Variants in LRRC42 observed in about 807,000 individuals in gnomAD.
The protein encoded by LRRC42 is leucine-rich repeat-containing protein 42.
Under a neutral mutation model 44.3 loss-of-function variants are expected in LRRC42, and 43 were observed. The observed-to-expected ratio is 0.97, with a 90% confidence interval of 0.76 to 1.25. LRRC42 has a LOEUF of 1.25. Ranked by LOEUF, LRRC42 falls within the 50% of genes most tolerant of loss-of-function variation. LRRC42 has a pLI of 0.00. For missense variants in LRRC42, 540 were observed against 509.1 expected, an observed-to-expected ratio of 1.06 and a Z score of -0.58; for synonymous variants, 207 against 195.2, an observed-to-expected ratio of 1.06 and a Z score of -0.50.
At chr1:53,961,987 A>G (rs1557648232) in intron 5 of LRRC42, 47 bp from the exon 6 acceptor site, 1 of 1,378,356 alleles carries the variant, frequency 7.3e-7, no homozygotes, top group Non-Finnish European at 1.0e-6. Context: ...TGTCATTTTA[A>G]CAGCATTTAT....
In LRRC42 at chr1:53,960,381, A is replaced by G; in HGVS notation, c.631A>G (p.Asn211Asp). ...TGTAACTCAGCTCCACCTGAAGGAT[A>G]ATTGTTTATCTGATGCTGGGGTGCG... Reference protein sequence around the residue: ...SSVTQLHLKDNCLSDAGVRKM... With the variant: ...SSVTQLHLKDDCLSDAGVRKM... Residue 211 changes from asparagine (N) to aspartate (D), a missense_variant, in exon 5 of 9, where the codon AAT becomes GAT. Physicochemically the swap from Asn to Asp is conservative, Grantham distance 23 (BLOSUM62 1). Transcript: ENST00000371370. 6.2e-7 allele frequency: 1 copy of G among 1,613,670 alleles called. No individual in the cohort carries two copies. Among genetic ancestry groups the G allele is most frequent in the Non-Finnish European group, 8.5e-7 (1 of 1,179,826 alleles).
In LRRC42 at chr1:53,957,760, T is replaced by A. The variant is rs570187731; in HGVS notation, c.474-389T>A. ...AAATCACTGGATGTTGAGCATTAGA[T>A]TAAAAGCAACTTTAAAAGAATTAGT... On this transcript the variant is annotated intron_variant, in intron 3 of 8. Transcript: ENST00000371370. Among the ~76,000 whole-genome samples, 3 of 152,318 alleles carry A rather than the reference T, an allele frequency of 2.0e-5. No homozygotes were observed. In the South Asian group the frequency reaches 6.2e-4, roughly 32 times the overall value.
chr1:53,952,217 T>C lies in LRRC42; in HGVS notation c.218T>C (p.Ile73Thr), dbSNP rs764214860. ...CGGAAAGAGAAGACTGATCATTTCA[T>C]CTTCACATACACCCGAGAGGGGAAT... ...TARKEKTDHF[I>T]FTYTREGNLR... is the part of the protein sequence containing the mutation. The change falls in exon 3 of 9, where the codon ATC becomes ACC. Residue 73 changes from isoleucine (I) to threonine (T), a missense_variant. By Grantham distance (89) the Ile-to-Thr change is moderately conservative. Coordinates refer to ENST00000371370, the MANE Select transcript of LRRC42 (RefSeq NM_001256409.2). 5.6e-6 allele frequency: 9 copies of C among 1,614,134 alleles called. No individual in the cohort carries two copies. In the East Asian group the frequency reaches 2.0e-4, roughly 36 times the overall value.
At chr1:53,967,261 G>A (rs928648064) in intron 8 of LRRC42, among the ~76,000 whole-genome samples, 2 of 152,176 alleles carry the variant, frequency 1.3e-5, no homozygotes, top group Admixed American at 6.5e-5. Context: ...TCCAGATTTC[G>A]AATAATGAAG....
chr1:53,967,968 G>T lies in LRRC42; in HGVS notation c.*29G>T. The T allele has an allele frequency of 6.3e-7, 1 of 1,597,300 alleles. No individual in the cohort carries two copies. Among genetic ancestry groups the T allele is most frequent in the Non-Finnish European group, 8.6e-7 (1 of 1,169,586 alleles). ...GTAGATACAAGTTGACCTTTCTCTG[G>T]CCCCCAGCTCTAGTGTTTGAGTAAA... On this transcript the variant is annotated 3_prime_UTR_variant, in exon 9 of 9. Transcript: ENST00000371370.
chr1:53,950,408 A>T (rs1654639762), intron 2 of LRRC42, among the ~76,000 whole-genome samples: 1 of 152,248 alleles, frequency 6.6e-6, no homozygotes, highest in African/African-American at 2.4e-5. Context: ...TTTTATACAC[A>T]TAATTATCCT....
At chr1:53,963,938 C>T (rs1435845689) in intron 7 of LRRC42, among the ~76,000 whole-genome samples, 1 of 51,320 alleles carries the variant, frequency 1.9e-5, no homozygotes, top group Admixed American at 2.4e-4. Flanking sequence ...TTATTTTCCC[C>T]TCCTGCCCAC....
At chr1:53,954,707 C>T (rs540448578) in intron 3 of LRRC42, among the ~76,000 whole-genome samples, 16 of 152,310 alleles carry the variant, frequency 1.1e-4, no homozygotes, top group South Asian at 2.1e-4. Flanking sequence ...GTTGAAAACG[C>T]CGTTTATCCA....
intron 3 of LRRC42, among the ~76,000 whole-genome samples, chr1:53,954,931 C>G (rs1654788938): frequency 6.6e-6 from 1 of 152,124 alleles, no homozygotes; most frequent in Non-Finnish European, 1.5e-5. Flanking sequence ...ATGTAATAAT[C>G]AAAGATGGGA....
intron 7 of LRRC42, among the ~76,000 whole-genome samples, chr1:53,963,639 A>C (rs751190532): frequency 7.2e-5 from 11 of 152,164 alleles, no homozygotes; most frequent in Admixed American, 2.0e-4. Context: ...CTCCGCCCTC[A>C]GCTGGGCCCC....
In LRRC42 at chr1:53,952,179, A is replaced by C; in HGVS notation, c.180A>C (p.Glu60Asp). The C allele has an allele frequency of 6.2e-7, 1 of 1,614,198 alleles. No individual in the cohort carries two copies. The highest frequency in any genetic ancestry group is 8.5e-7 in the Non-Finnish European group (1 of 1,179,990). The stretch of plus-strand genomic sequence containing the variant: ...CTGTGGAGCTTTGCATGAACAGGGA[A>C]GACGACACTGCACGGAAAGAGAAGA... ...GFSVELCMNR[E>D]DDTARKEKTD... is the part of the protein sequence containing the mutation. The change falls in exon 3 of 9, where the codon GAA becomes GAC. Residue 60 changes from glutamate to aspartate, a missense_variant. Physicochemically the swap from Glu to Asp is conservative, Grantham distance 45 (BLOSUM62 2). Coordinates refer to ENST00000371370, the MANE Select transcript of LRRC42 (RefSeq NM_001256409.2).
At chr1:53,953,354 G>C (rs964835734) in intron 3 of LRRC42, among the ~76,000 whole-genome samples, 4 of 152,194 alleles carry the variant, frequency 2.6e-5, no homozygotes, top group Non-Finnish European at 5.9e-5. Context: ...ATCAATACTT[G>C]TAGATTTTTT....
At chr1:53,967,087 A>G (rs542842636) in intron 8 of LRRC42, among the ~76,000 whole-genome samples, 1 of 152,352 alleles carries the variant, frequency 6.6e-6, no homozygotes, top group East Asian at 1.9e-4. Context: ...TGGCTAAAAT[A>G]GTAAACTTTA....
chr1:53,948,848 A>G (rs945482775), intron 2 of LRRC42, among the ~76,000 whole-genome samples: 3 of 152,172 alleles, frequency 2.0e-5, no homozygotes, highest in Admixed American at 6.5e-5. Flanking sequence ...AAGGGTTCAA[A>G]TGTTAATTTA....
intron 7 of LRRC42, among the ~76,000 whole-genome samples, chr1:53,964,810 C>T (rs775397454): frequency 1.3e-5 from 2 of 152,090 alleles, no homozygotes. Flanking sequence ...TGCCATGGGT[C>T]CCCTGGCAAA....
At chr1:53,962,216 G>T in intron 6 of LRRC42, 80 bp from the exon 7 acceptor site, 3 of 1,433,996 alleles carry the variant, frequency 2.1e-6, no homozygotes, top group Non-Finnish European at 2.9e-6. Flanking sequence ...TGGTATTTAT[G>T]ATGGTCTTTA....
chr1:53,962,859 G>A (rs550005851), intron 7 of LRRC42, among the ~76,000 whole-genome samples: 34 of 152,154 alleles, frequency 2.2e-4, no homozygotes, highest in Non-Finnish European at 4.1e-4. Flanking sequence ...CAGCCTTAGT[G>A]AGGAGGTGTC....
At chr1:53,957,479 A>G (rs1319526265) in intron 3 of LRRC42, among the ~76,000 whole-genome samples, 1 of 152,200 alleles carries the variant, frequency 6.6e-6, no homozygotes, top group Non-Finnish European at 1.5e-5. Flanking sequence ...GGCTTCCCTG[A>G]TGCTTCCTGA....
At position 53,952,443 on chromosome 1, in the gene LRRC42, G is replaced by C. The variant is rs1374220875; in HGVS notation, c.444G>C (p.Leu148Phe). 1 of 1,602,414 alleles carries C rather than the reference G, an allele frequency of 6.2e-7. No homozygotes were observed. The highest frequency in any genetic ancestry group is 8.5e-7 in the Non-Finnish European group (1 of 1,170,628). ...LQKFTEAYGSLVLCSLCLRNR... is the reference protein window; with the variant it reads ...LQKFTEAYGSFVLCSLCLRNR... The stretch of plus-strand genomic sequence containing the variant: ...AATTCACTGAGGCCTATGGAAGTTT[G>C]GTGCTTTGCTCCCTGTGTTTGCGAA... Residue 148 changes from leucine to phenylalanine, a missense_variant, in exon 3 of 9, where the codon TTG becomes TTC. Transcript: ENST00000371370.
Sources: gnomAD v4.1 joint callset for allele counts (sites outside exome capture counted in the v4.1 genomes callset) on GRCh38, gnomAD v4.1.1 for gene constraint, MANE v1.5 for transcripts, NCBI Gene and HGNC (gene_info 2026-07-23, HGNC 2026-07-21) for gene names.